Variants in ST8SIA4 observed in about 807,000 individuals in gnomAD.
ST8SIA4 encodes ST8 alpha-N-acetyl-neuraminide alpha-2,8-sialyltransferase 4, also known as CMP-N-acetylneuraminate-poly-alpha-2,8-sialyltransferase.
ST8SIA4 carries 15 observed loss-of-function variants against 33.9 expected under a neutral mutation model. The observed-to-expected ratio is 0.44, with a 90% CI of 0.30 to 0.68. The LOEUF is 0.68. Among genes scored for constraint, ST8SIA4 ranks in the 30% least tolerant of loss-of-function variants. The pLI, the probability that ST8SIA4 is intolerant of heterozygous loss-of-function variation, is 0.10. For synonymous variants in ST8SIA4, 171 were observed against 151.2 expected (o/e 1.13, Z -0.96); for missense variants, 321 against 428.0 (o/e 0.75, Z 2.21).
intron 4 of ST8SIA4, among the ~76,000 whole-genome samples, chr5:100,855,845 T>C (rs1687069244): frequency 1.3e-5 from 2 of 152,206 alleles, no homozygotes; most frequent in Non-Finnish European, 2.9e-5. Flanking sequence ...TGCAAAAATA[T>C]AAAAATTAGT....
At chr5:100,902,307 C>T (rs1752936481) in intron 1 of ST8SIA4, among the ~76,000 whole-genome samples, 1 of 152,062 alleles carries the variant, frequency 6.6e-6, no homozygotes, top group South Asian at 2.1e-4. Flanking sequence ...AAGGAAGTAT[C>T]CTTAGTGGTA....
chr5:100,826,725 T>C (rs998371597), intron 4 of ST8SIA4, among the ~76,000 whole-genome samples: 7 of 152,148 alleles, frequency 4.6e-5, no homozygotes, highest in African/African-American at 1.7e-4. Context: ...GTGAAACAAA[T>C]TGTTACAGGG....
At chr5:100,902,096 G>C (rs762926279) in intron 1 of ST8SIA4, among the ~76,000 whole-genome samples, 2 of 152,144 alleles carry the variant, frequency 1.3e-5, no homozygotes, top group Non-Finnish European at 2.9e-5. Flanking sequence ...CACCTCCTGG[G>C]TAAACTTCAA....
intron 4 of ST8SIA4, among the ~76,000 whole-genome samples, chr5:100,831,965 C>A (rs1751272660): frequency 1.3e-5 from 2 of 151,862 alleles, no homozygotes; most frequent in South Asian, 4.2e-4. Flanking sequence ...GAATCTAGAA[C>A]CATAACTTTA....
intron 4 of ST8SIA4, among the ~76,000 whole-genome samples, chr5:100,839,097 G>C (rs1001559678): frequency 9.2e-5 from 14 of 151,764 alleles, no homozygotes; most frequent in South Asian, 2.1e-4. Context: ...CAAAAAGTTG[G>C]AATTACAGGC....
intron 4 of ST8SIA4, among the ~76,000 whole-genome samples, chr5:100,824,886 C>G (rs1443796346): frequency 1.0e-5 from 1 of 95,250 alleles, no homozygotes; most frequent in Admixed American, 1.1e-4. Context: ...ATAGCAAGAC[C>G]CTGTCTTGAC....
At chr5:100,841,030 C>A (rs1003638666) in intron 4 of ST8SIA4, among the ~76,000 whole-genome samples, 27 of 151,454 alleles carry the variant, frequency 1.8e-4, no homozygotes, top group Non-Finnish European at 1.5e-4. Context: ...AATGAGAAAG[C>A]CAAAATAAGG....
intron 3 of ST8SIA4, among the ~76,000 whole-genome samples, chr5:100,874,665 G>A (rs1015141763): frequency 6.6e-6 from 1 of 151,852 alleles, no homozygotes; most frequent in Non-Finnish European, 1.5e-5. Context: ...GCTCACTGCA[G>A]CCTCAACCTC....
chr5:100,866,251 A>T (rs1432548790), intron 3 of ST8SIA4, among the ~76,000 whole-genome samples: 2 of 152,150 alleles, frequency 1.3e-5, no homozygotes, highest in Non-Finnish European at 2.9e-5. Flanking sequence ...TTCCTTAAAC[A>T]TATCTATTTT....
At position 100,865,860 on chromosome 5, in the gene ST8SIA4, T is replaced by C. The variant is rs572452631; in HGVS notation, c.504-9464A>G. On this transcript the variant is annotated intron_variant, in intron 3 of 4. Coordinates refer to ENST00000231461, the MANE Select transcript of ST8SIA4 (RefSeq NM_005668.6). ...TTTTAGTTACGCCTTGCTTAGATTT[T>C]TTTTATAATTTAAATGGTCTTACAA... 5.3e-5 allele frequency among the ~76,000 whole-genome samples: 8 copies of C among 152,298 alleles called. No individual in the cohort carries two copies. In the South Asian group the frequency reaches 1.7e-3, roughly 32 times the overall value.
chr5:100,838,623 G>C (rs927359484), intron 4 of ST8SIA4, among the ~76,000 whole-genome samples: 4 of 146,560 alleles, frequency 2.7e-5, no homozygotes, highest in African/African-American at 9.7e-5. Context: ...AAAAAAACCT[G>C]TTAAATTAAA....
chr5:100,807,270 C>T lies in ST8SIA4; in HGVS notation c.*4577G>A, dbSNP rs544355240. 6.6e-6 allele frequency: 1 copy of T among 152,616 alleles called. No individual in the cohort carries two copies. The highest frequency in any genetic ancestry group is 1.5e-5 in the Non-Finnish European group (1 of 67,954). 9.5% of individuals were successfully genotyped at this position (152,616 alleles called of 1,614,324 possible). ...AAAACAATAATACCCGGTTGCTATA[C>T]ACAAACAATAAGAAAACAGTGTTGA... is the stretch of plus-strand genomic sequence containing the variant. On this transcript the variant is annotated 3_prime_UTR_variant, in exon 5 of 5. Coordinates refer to ENST00000231461, the MANE Select transcript of ST8SIA4 (RefSeq NM_005668.6).
At chr5:100,895,917 C>T (rs540635657) in intron 1 of ST8SIA4, 132 bp from the exon 2 acceptor site, 50 of 875,614 alleles carry the variant, frequency 5.7e-5, no homozygotes, top group Middle Eastern at 5.3e-4. Context: ...GAAGGAAATA[C>T]GCAAGCATGA....
chr5:100,822,519 A>T (rs181297807), intron 4 of ST8SIA4, among the ~76,000 whole-genome samples: 70 of 152,318 alleles, frequency 4.6e-4, no homozygotes, highest in Middle Eastern at 3.4e-3. Context: ...TTGGGTAAAA[A>T]CATTTTCCCT....
At chr5:100,879,483 G>C (rs1358878676) in intron 3 of ST8SIA4, among the ~76,000 whole-genome samples, 6 of 152,096 alleles carry the variant, frequency 3.9e-5, no homozygotes, top group African/African-American at 1.4e-4. Flanking sequence ...AAATAATAGA[G>C]ATGTTGTGTC....
At chr5:100,850,323 G>A (rs1276717279) in intron 4 of ST8SIA4, among the ~76,000 whole-genome samples, 1 of 151,704 alleles carries the variant, frequency 6.6e-6, no homozygotes, top group Non-Finnish European at 1.5e-5. Context: ...ATACAAAGTA[G>A]AAGCTTATTA....
intron 2 of ST8SIA4, among the ~76,000 whole-genome samples, chr5:100,890,210 C>T (rs1288076787): frequency 6.6e-6 from 1 of 151,728 alleles, no homozygotes; most frequent in Non-Finnish European, 1.5e-5. Context: ...AGTTTTTTAT[C>T]TCCTAGTGCA....
intron 4 of ST8SIA4, among the ~76,000 whole-genome samples, chr5:100,852,209 C>T (rs1158672081): frequency 6.7e-6 from 1 of 149,754 alleles, no homozygotes; most frequent in Non-Finnish European, 1.5e-5. Flanking sequence ...CAACCTCTCC[C>T]TCCCTGGGTT....
intron 4 of ST8SIA4, among the ~76,000 whole-genome samples, chr5:100,823,603 C>A (rs1310384942): frequency 6.6e-6 from 1 of 152,112 alleles, no homozygotes; most frequent in Non-Finnish European, 1.5e-5. Flanking sequence ...TATAATTTAA[C>A]GAACTAGTGC....
Sources: allele counts gnomAD v4.1 joint callset (sites outside exome capture counted in the v4.1 genomes callset), GRCh38; gene constraint gnomAD v4.1.1; transcripts MANE v1.5; gene names NCBI Gene and HGNC (gene_info 2026-07-23, HGNC 2026-07-21).